The following KIR3DL3 variants were observed in gnomAD, a reference collection of about 807,000 sequenced individuals.
The protein encoded by KIR3DL3 is killer cell immunoglobulin like receptor, three Ig domains and long cytoplasmic tail 3.
A neutral mutation model predicts 34.9 loss-of-function variants in KIR3DL3; 27 were observed. The observed-to-expected ratio is 0.77, with a 90% CI of 0.57 to 1.07. The LOEUF (loss-of-function observed/expected upper bound fraction) is 1.07. KIR3DL3 is among the 50% of genes least tolerant of loss of function. The pLI is 0.00. For missense variants in KIR3DL3, 681 were observed against 528.5 expected, an observed-to-expected ratio of 1.29 and a Z score of -2.83; for synonymous variants, 217 against 200.2, an observed-to-expected ratio of 1.08 and a Z score of -0.71.
intron 4 of KIR3DL3, among the ~76,000 whole-genome samples, chr19:54,728,327 C>T (rs1182389374): frequency 2.0e-5 from 3 of 147,986 alleles, no homozygotes; most frequent in African/African-American, 7.5e-5. Context: ...CATGTGGCCC[C>T]AGGCTGGTGG....
chr19:54,731,027 A>G (rs1030819965), intron 5 of KIR3DL3, among the ~76,000 whole-genome samples: 5 of 151,326 alleles, frequency 3.3e-5, no homozygotes, highest in African/African-American at 1.2e-4. Flanking sequence ...TGTTTTTTTT[A>G]GACTGTTTCA....
In KIR3DL3 at chr19:54,735,361, A is replaced by G. The variant is rs1226302298; in HGVS notation, c.1054+4A>G. 1 of 1,305,502 alleles carries G rather than the reference A, an allele frequency of 7.7e-7. No homozygotes were observed. Among genetic ancestry groups the G allele is most frequent in the Non-Finnish European group, 1.1e-6 (1 of 903,498 alleles). The allele number at this position is 1,305,502 out of a possible 1,614,324, so 80.9% of individuals were successfully genotyped here. On this transcript the variant is annotated splice_donor_region_variant and intron_variant, in intron 6 of 7. Transcript: ENST00000291860. ...CGCTGGTGTGCCAACAAAAAGAGTAAGTCTCACGAAGCAGAAGCCAGAGAG... is the reference window on the plus strand; with the variant it reads ...CGCTGGTGTGCCAACAAAAAGAGTAGGTCTCACGAAGCAGAAGCCAGAGAG...
chr19:54,731,529 A>G (rs112711994), intron 5 of KIR3DL3, among the ~76,000 whole-genome samples: 6,669 of 151,610 alleles, frequency 0.044, 171 homozygotes, highest in African/African-American at 0.07. Context: ...ATCTTTTCCT[A>G]TTGTTGCCAT....
chr19:54,724,956 G>C (rs2146734016), intron 1 of KIR3DL3, among the ~76,000 whole-genome samples: 1 of 140,904 alleles, frequency 7.1e-6, no homozygotes, highest in African/African-American at 2.7e-5. Flanking sequence ...GGCTTGGAGT[G>C]CAGATATGGG....
Position 54,736,169 on chromosome 19 carries a change from T to C in KIR3DL3, c.*73T>C. The C allele has an allele frequency of 1.3e-6, 2 of 1,567,448 alleles. No individual in the cohort carries two copies. The highest frequency in any genetic ancestry group is 1.1e-5 in the South Asian group (1 of 89,220). On this transcript the variant is annotated 3_prime_UTR_variant, in exon 8 of 8. Transcript: ENST00000291860. ...CACTAGCACCACAGTCAGGCCTTGATGGGATCTTCTAGGGAGACAATAGCC... is the reference window on the plus strand; with the variant it reads ...CACTAGCACCACAGTCAGGCCTTGACGGGATCTTCTAGGGAGACAATAGCC...
intron 3 of KIR3DL3, 68 bp downstream of exon 3, chr19:54,726,405 G>A (rs1339276243): frequency 1.2e-5 from 19 of 1,544,452 alleles, no homozygotes; most frequent in East Asian, 2.2e-5. Context: ...TGGTGGGGGC[G>A]TCCATCAGGG....
Position 54,729,647 on chromosome 19 carries a change from G to A in KIR3DL3, c.810G>A (p.Leu270=). ...EAGELRLTAV[L]RVNGTFQANF... The stretch of plus-strand genomic sequence containing the variant: ...GTGAACTTAGGCTCACTGCAGTGCT[G>A]AGGGTCAATGGAACATTCCAGGCCA... The change falls in exon 5 of 8, where the codon CTG becomes CTA. Residue 270 remains leucine (L), a synonymous_variant. Transcript: ENST00000291860. 1.3e-6 allele frequency: 2 copies of A among 1,596,158 alleles called. No individual in the cohort carries two copies. Among genetic ancestry groups the A allele is most frequent in the South Asian group, 1.1e-5 (1 of 89,316 alleles).
chr19:54,726,212 G>C lies in KIR3DL3; in HGVS notation c.230G>C (p.Arg77Pro), dbSNP rs370423217. 1.2e-6 allele frequency: 2 copies of C among 1,613,532 alleles called. No homozygotes were observed. Among genetic ancestry groups the C allele is most frequent in the South Asian group, 1.1e-5 (1 of 91,058 alleles). Residue 77 changes from arginine to proline, a missense_variant, in exon 3 of 8, where the codon CGG becomes CCG. Physicochemically the swap from Arg to Pro is moderately radical, Grantham distance 103. Transcript: ENST00000291860. ...PVPELYNRIF[R>P]NSFLMGPVTP... ...CCTGAGCTCTACAACAGAATATTCC[G>C]GAACAGCTTTCTCATGGGCCCTGTG...
rs2069506574 is a variant in KIR3DL3 at position 54,735,867 on chromosome 19, A to AG, written c.1105dup (p.Glu369GlyfsTer4). 1 of 1,607,226 alleles carries AG rather than the reference A, an allele frequency of 6.2e-7. No individual in the cohort carries two copies. The highest frequency in any genetic ancestry group is 1.7e-5 in the Admixed American group (1 of 58,796). On this transcript the variant is annotated frameshift_variant, in exon 7 of 8. Coordinates refer to ENST00000291860, the MANE Select transcript of KIR3DL3 (RefSeq NM_153443.5). LOFTEE classifies it low-confidence loss of function (END_TRUNC). ...GCCTGCAGGGAACAGAACAGTGAAC[A>AG]GGGAGGTAGGTGCTCCTCCGCCCAG... is the stretch of plus-strand genomic sequence containing the variant.
chr19:54,729,484 T>C lies in KIR3DL3; in HGVS notation c.656-9T>C. The C allele has an allele frequency of 6.4e-7, 1 of 1,567,412 alleles. No individual in the cohort carries two copies. Among genetic ancestry groups the C allele is most frequent in the Non-Finnish European group, 8.6e-7 (1 of 1,165,282 alleles). The stretch of plus-strand genomic sequence containing the variant: ...ACCTCCCTGAGGAAACCACCTCTTC[T>C]TCTTCCAGGTCTATATGGGAAACCT... On this transcript the variant is annotated splice_polypyrimidine_tract_variant and intron_variant, in intron 4 of 7. Transcript: ENST00000291860.
Position 54,729,539 on chromosome 19 carries a change from T to G in KIR3DL3, c.702T>G (p.Val234=). The G allele has an allele frequency of 2.5e-6, 4 of 1,606,942 alleles. No homozygotes were observed. The highest frequency in any genetic ancestry group is 3.4e-6 in the Non-Finnish European group (4 of 1,178,448). The part of the protein sequence containing the change: ...PSLSAQPGPT[V]QAGENVTLSC... ...TCTCAGCCCAGCCGGGCCCCACGGTTCAGGCAGGAGAGAATGTGACCTTGT... is the reference window on the plus strand; with the variant it reads ...TCTCAGCCCAGCCGGGCCCCACGGTGCAGGCAGGAGAGAATGTGACCTTGT... The change falls in exon 5 of 8, where the codon GTT becomes GTG. Residue 234 remains valine, a synonymous_variant. Transcript: ENST00000291860.
chr19:54,725,869 T>C (rs112755405), intron 2 of KIR3DL3, among the ~76,000 whole-genome samples, 184 bp from the exon 3 acceptor site: 2,809 of 152,272 alleles, frequency 0.018, 91 homozygotes, highest in African/African-American at 0.064. Flanking sequence ...CTGCTCAAAG[T>C]TCTCAGCTGA....
intron 1 of KIR3DL3, among the ~76,000 whole-genome samples, chr19:54,724,914 G>A (rs1345157760): frequency 3.7e-5 from 5 of 135,664 alleles, no homozygotes; most frequent in Non-Finnish European, 8.0e-5. Context: ...TATGGGCCTG[G>A]AGTAGAGATA....
Position 54,728,576 on chromosome 19 carries a change from G to A in KIR3DL3, c.655+666G>A, listed in dbSNP as rs1377629953. ...GGAGTGAAATCAGGGAAATCAAAAA[G>A]CAAAGACATGAACACACACACAGAA... is the stretch of plus-strand genomic sequence containing the variant. On this transcript the variant is annotated intron_variant, in intron 4 of 7. Coordinates refer to ENST00000291860, the MANE Select transcript of KIR3DL3 (RefSeq NM_153443.5). 5.3e-5 allele frequency among the ~76,000 whole-genome samples: 8 copies of A among 152,148 alleles called. No individual in the cohort carries two copies. The South Asian group carries it at 1.5e-3, about 28-fold the overall frequency.
At chr19:54,732,772 G>A (rs2146844550) in intron 5 of KIR3DL3, among the ~76,000 whole-genome samples, 1 of 152,354 alleles carries the variant, frequency 6.6e-6, no homozygotes, top group Admixed American at 6.5e-5. Flanking sequence ...CAAATGCTGG[G>A]AATGAGATGG....
rs1182717245 is a variant in KIR3DL3 at position 54,736,284 on chromosome 19, C to A, written c.*188C>A. 5.2e-6 allele frequency: 4 copies of A among 766,238 alleles called. 1 individual carries two copies. The African/African-American group carries it at 8.0e-5, about 15-fold the overall frequency. The allele number at this position is 766,238 out of a possible 1,614,324, so 47.5% of individuals were successfully genotyped here. A position where few individuals can be genotyped will look rare whatever the true frequency, so the allele number is the denominator to read the frequency against. On this transcript the variant is annotated 3_prime_UTR_variant, in exon 8 of 8. Transcript: ENST00000291860. ...CATCTTAGGGCATCGCTCTTCCTCA[C>A]ACCACGAATCTGAACATGCCTCTCT...
At chr19:54,732,229 T>G (rs1357421594) in intron 5 of KIR3DL3, among the ~76,000 whole-genome samples, 2 of 147,920 alleles carry the variant, frequency 1.4e-5, no homozygotes, top group South Asian at 2.2e-4. Context: ...AATCTGGGGT[T>G]TTTTGTGTGT....
chr19:54,730,194 G>A (rs2068652197), intron 5 of KIR3DL3, among the ~76,000 whole-genome samples: 2 of 151,622 alleles, frequency 1.3e-5, no homozygotes, highest in Non-Finnish European at 2.9e-5. Flanking sequence ...AATATTTATT[G>A]AGGTGAAATA....
intron 5 of KIR3DL3, among the ~76,000 whole-genome samples, chr19:54,734,437 C>T (rs1457954266): frequency 9.2e-5 from 14 of 151,518 alleles, no homozygotes; most frequent in Admixed American, 5.9e-4. Context: ...AAAAGCTGCT[C>T]GAGACATGTG....
Sources: allele counts gnomAD v4.1 joint callset (sites outside exome capture counted in the v4.1 genomes callset), GRCh38; gene constraint gnomAD v4.1.1; transcripts MANE v1.5; gene names NCBI Gene and HGNC (gene_info 2026-07-23, HGNC 2026-07-21).